Variants in KIAA1671 observed in about 807,000 individuals in gnomAD.
The protein encoded by KIAA1671 is uncharacterized protein KIAA1671.
In KIAA1671, 52 loss-of-function variants were observed where a neutral mutation model predicts 131.2. That is an observed-to-expected ratio of 0.40 (90% CI 0.32 to 0.50). The LOEUF (loss-of-function observed/expected upper bound fraction) is 0.50. Among genes scored for constraint, KIAA1671 ranks in the 20% least tolerant of loss-of-function variants. The probability of loss-of-function intolerance (pLI) is 0.73; values close to 1 mark genes in which losing one functional copy is unlikely to be tolerated. For synonymous variants in KIAA1671, 1,003 were observed against 961.6 expected (o/e 1.04, Z -0.80); for missense variants, 2,360 against 2,364.2 (o/e 1.00, Z 0.04).
intron 1 of KIAA1671, among the ~76,000 whole-genome samples, chr22:24,971,511 G>C (rs1922613687): frequency 6.6e-6 from 1 of 152,154 alleles, no homozygotes; most frequent in South Asian, 2.1e-4. Flanking sequence ...GCCATGCCAG[G>C]TTGCCTTTAG....
At chr22:25,181,907 G>GT in intron 10 of KIAA1671, 84 bp downstream of exon 10, 1 of 1,454,092 alleles carries the variant, frequency 6.9e-7, no homozygotes, top group Non-Finnish European at 9.3e-7. Flanking sequence ...GCTGGGTGCA[G>GT]TGGCTCACGC....
chr22:25,170,919 C>T lies in KIAA1671; in HGVS notation c.4630C>T (p.Gln1544Ter). Residue 1544 changes from glutamine to a stop codon, truncating the protein, a stop_gained, in exon 7 of 13, where the codon CAG (glutamine) becomes TAG (stop). Transcript: ENST00000358431. LOFTEE classifies it high-confidence loss of function. Reference sequence around the variant, plus strand: ...CAGCCAGTATGGGACGTGGACAGAGCAGTGCCAGAGTGGGGAGAGGTAGGA... The same window carrying T: ...CAGCCAGTATGGGACGTGGACAGAGTAGTGCCAGAGTGGGGAGAGGTAGGA... Reference protein sequence around the residue: ...AGSQYGTWTEQCQSGESLATE... With the variant: ...AGSQYGTWTE 1.3e-6 allele frequency: 2 copies of T among 1,551,614 alleles called. No individual in the cohort carries two copies. The highest frequency in any genetic ancestry group is 1.7e-6 in the Non-Finnish European group (2 of 1,146,990).
intron 6 of KIAA1671, among the ~76,000 whole-genome samples, chr22:25,146,490 G>A (rs1932881424): frequency 6.6e-6 from 1 of 152,202 alleles, no homozygotes; most frequent in African/African-American, 2.4e-5. Context: ...AGTTCCCAGA[G>A]CCAACCTTGC....
chr22:25,047,118 A>T (rs1927282273), intron 5 of KIAA1671, among the ~76,000 whole-genome samples: 1 of 149,848 alleles, frequency 6.7e-6, no homozygotes, highest in East Asian at 1.9e-4. Flanking sequence ...CTACAAGCAC[A>T]TGCCACCACA....
intron 1 of KIAA1671, among the ~76,000 whole-genome samples, chr22:25,021,163 C>G (rs1925644904): frequency 6.6e-6 from 1 of 152,096 alleles, no homozygotes; most frequent in South Asian, 2.1e-4. Context: ...CTCCCCGGCT[C>G]AGACAATCCT....
chr22:25,153,606 C>T (rs1378725421), intron 6 of KIAA1671, among the ~76,000 whole-genome samples: 2 of 152,270 alleles, frequency 1.3e-5, no homozygotes, highest in African/African-American at 4.8e-5. Context: ...TAGAACCCGC[C>T]TCACGGTGTT....
At chr22:25,165,527 A>G (rs537980566) in intron 6 of KIAA1671, among the ~76,000 whole-genome samples, 3 of 152,364 alleles carry the variant, frequency 2.0e-5, no homozygotes, top group Non-Finnish European at 2.9e-5. Flanking sequence ...GCTGTTCAGC[A>G]TGGTGGGTGG....
In KIAA1671 at chr22:25,099,537, G is replaced by GTTTTTT. The variant is rs1223034273; in HGVS notation, c.4530+50175_4530+50180dup. Among the ~76,000 whole-genome samples the GTTTTTT allele has an allele frequency of 3.6e-5, 4 of 112,112 alleles. 2 individuals are homozygous for GTTTTTT. Among genetic ancestry groups the GTTTTTT allele is most frequent in the African/African-American group, 7.9e-5 (2 of 25,448 alleles). 73.5% of individuals were successfully genotyped at this position (112,112 alleles called of 152,430 possible). ...TATAAGTTTGTCTTTCAAAATGTGG[G>GTTTTTT]TTTTTTTGTTTTTTTTTTTTTTTTT... On this transcript the variant is annotated intron_variant, in intron 6 of 12. Coordinates refer to ENST00000358431, the MANE Select transcript of KIAA1671 (RefSeq NM_001145206.2).
chr22:25,171,730 AAT>A (rs1217939752), intron 7 of KIAA1671, among the ~76,000 whole-genome samples: 2 of 147,242 alleles, frequency 1.4e-5, no homozygotes, highest in Non-Finnish European at 3.0e-5. Context: ...AAAAAAAAAT[AAT>A]AATAATAATA....
intron 6 of KIAA1671, chr22:25,060,163 T>G (rs1231947463): frequency 6.6e-6 from 1 of 152,196 alleles, no homozygotes; most frequent in East Asian, 1.9e-4. Flanking sequence ...CAAGCAGAAC[T>G]GATGATCCTG....
chr22:25,107,469 C>CTTTTTTTTTT (rs765558092), intron 6 of KIAA1671, among the ~76,000 whole-genome samples: 2 of 68,512 alleles, frequency 2.9e-5, no homozygotes, highest in African/African-American at 1.2e-4. Context: ...ATCCATGGCA[C>CTTTTTTTTTT]TTTTTTTTTT....
chr22:25,055,048 G>C (rs1927764309), intron 6 of KIAA1671: 3 of 149,724 alleles, frequency 2.0e-5, no homozygotes, highest in Non-Finnish European at 4.5e-5. Flanking sequence ...TCTCTAACTG[G>C]TGAAACTGTG....
rs759898395 is a variant in KIAA1671, at chr22:25,074,496, C to CAAAA, written c.4530+25150_4530+25153dup. 1.6e-3 allele frequency among the ~76,000 whole-genome samples: 99 copies of CAAAA among 62,308 alleles called. 1 individual carries two copies. Among genetic ancestry groups the CAAAA allele is most frequent in the East Asian group, 2.6e-3 (5 of 1,960 alleles). 40.9% of individuals were successfully genotyped at this position (62,308 alleles called of 152,430 possible). A position where few individuals can be genotyped will look rare whatever the true frequency, so the allele number is the denominator to read the frequency against. ...CTCCAGCCTGAGCAAGGCTGTGTCT[C>CAAAA]AAAAAAAAAAAAAAAAAAAAAGAAA... On this transcript the variant is annotated intron_variant, in intron 6 of 12. Coordinates refer to ENST00000358431, the MANE Select transcript of KIAA1671 (RefSeq NM_001145206.2).
At chr22:25,187,953 G>A (rs915638361) in intron 11 of KIAA1671, among the ~76,000 whole-genome samples, 1 of 152,168 alleles carries the variant, frequency 6.6e-6, no homozygotes, top group African/African-American at 2.4e-5. Context: ...AAAATTCATT[G>A]AGCTGTGCAC....
chr22:25,048,904 T>A (rs1927384551), intron 5 of KIAA1671: 1 of 231,592 alleles, frequency 4.3e-6, no homozygotes, highest in Non-Finnish European at 8.6e-6. Context: ...GTGGCTATAC[T>A]GCATCATGTA....
At chr22:25,085,262 A>C (rs1929644167) in intron 6 of KIAA1671, among the ~76,000 whole-genome samples, 2 of 152,244 alleles carry the variant, frequency 1.3e-5, no homozygotes, top group African/African-American at 4.8e-5. Flanking sequence ...TTTTCCTGGC[A>C]GGCATTTGGC....
chr22:25,047,118 A>C (rs1927282273), intron 5 of KIAA1671, among the ~76,000 whole-genome samples: 2 of 149,848 alleles, frequency 1.3e-5, no homozygotes, highest in Non-Finnish European at 3.0e-5. Flanking sequence ...CTACAAGCAC[A>C]TGCCACCACA....
At chr22:24,983,214 A>T (rs1923324226) in intron 1 of KIAA1671, among the ~76,000 whole-genome samples, 1 of 152,022 alleles carries the variant, frequency 6.6e-6, no homozygotes, top group African/African-American at 2.4e-5. Context: ...AAATTATCAC[A>T]ATCTGGGTGG....
At position 25,040,612 on chromosome 22, in the gene KIAA1671, A is replaced by G. The variant is rs1926865418; in HGVS notation, c.3482A>G (p.Gln1161Arg). Residue 1161 changes from glutamine to arginine, a missense_variant, in exon 5 of 13, where the codon CAA becomes CGA. By Grantham distance (43) the Gln-to-Arg change is conservative. Coordinates refer to ENST00000358431, the MANE Select transcript of KIAA1671 (RefSeq NM_001145206.2). ...ATGTCCCCCAGCGGCGGAGCTCCCC[A>G]AACCACCCCGACTCTGAGGAGTCGT... ...NKMSPSGGAP[Q>R]TTPTLRSRPK... The G allele has an allele frequency of 1.9e-5, 29 of 1,551,790 alleles. No homozygotes were observed. In the South Asian group the frequency reaches 3.4e-4, roughly 18 times the overall value.
Sources: allele counts gnomAD v4.1 joint callset (sites outside exome capture counted in the v4.1 genomes callset), GRCh38; gene constraint gnomAD v4.1.1; transcripts MANE v1.5; gene names NCBI Gene and HGNC (gene_info 2026-07-23, HGNC 2026-07-21).